BPTF: variants seen among roughly 807,000 people sequenced by gnomAD.
BPTF encodes bromodomain PHD finger transcription factor, also known as nucleosome-remodeling factor subunit BPTF.
BPTF carries 18 observed loss-of-function variants against 292.5 expected under a neutral mutation model. That is an observed-to-expected ratio of 0.06 (90% CI 0.04 to 0.09). The LOEUF (loss-of-function observed/expected upper bound fraction) is 0.09. Ranked by LOEUF, BPTF falls within the 10% of genes least tolerant of loss-of-function variation. The pLI is 1.00. For missense variants in BPTF, 2,726 were observed against 3,498.7 expected, an observed-to-expected ratio of 0.78 and a Z score of 5.57; for synonymous variants, 1,225 against 1,251.9, an observed-to-expected ratio of 0.98 and a Z score of 0.45.
intron 11 of BPTF, among the ~76,000 whole-genome samples, chr17:67,915,060 A>T (rs1173373523): frequency 6.6e-6 from 1 of 152,216 alleles, no homozygotes. Context: ...GCATTTTTAT[A>T]CTAACACTAG....
At chr17:67,976,627 C>G (rs548743190) in intron 27 of BPTF, among the ~76,000 whole-genome samples, 4 of 144,312 alleles carry the variant, frequency 2.8e-5, no homozygotes, top group African/African-American at 1.1e-4. Flanking sequence ...TCAAGGCTGC[C>G]GTGAGCTGTG....
intron 15 of BPTF, among the ~76,000 whole-genome samples, chr17:67,926,117 C>T (rs1301326099): frequency 7.0e-6 from 1 of 142,910 alleles, no homozygotes; most frequent in African/African-American, 2.5e-5. Flanking sequence ...AAGCAATCTA[C>T]CCACCTCAGC....
chr17:67,904,026 A>T (rs774526204), intron 8 of BPTF, 108 bp downstream of exon 8: 19 of 840,960 alleles, frequency 2.3e-5, no homozygotes, highest in African/African-American at 3.7e-5. Flanking sequence ...TTTGTATTTT[A>T]TTTATTTATT....
At chr17:67,855,022 TG>T (rs2058608524) in intron 2 of BPTF, among the ~76,000 whole-genome samples, 1 of 152,196 alleles carries the variant, frequency 6.6e-6, no homozygotes, top group South Asian at 2.1e-4. Context: ...TAGTTGGGAC[TG>T]GGCACAGCAG....
chr17:67,912,770 C>G lies in BPTF; in HGVS notation c.4886C>G (p.Thr1629Ser). 1 of 1,613,174 alleles carries G rather than the reference C, an allele frequency of 6.2e-7. No individual in the cohort carries two copies. Among genetic ancestry groups the G allele is most frequent in the Non-Finnish European group, 8.5e-7 (1 of 1,179,132 alleles). ...GCAAAATCCACTGTCACAACCACCA[C>G]TACAACAGTGACCAAGCTTTCCACA... ...NCAKSTVTTTTTTVTKLSTPS... is the reference protein window; with the variant it reads ...NCAKSTVTTTSTTVTKLSTPS... Residue 1629 changes from threonine (T) to serine (S), a missense_variant, in exon 11 of 28, where the codon ACT (threonine) becomes AGT (serine). Transcript: ENST00000306378.
intron 1 of BPTF, among the ~76,000 whole-genome samples, chr17:67,829,419 A>G (rs2056441778): frequency 1.3e-5 from 2 of 151,432 alleles, no homozygotes; most frequent in South Asian, 2.1e-4. Context: ...TACGTGTGCC[A>G]TGGTGGCTTG....
chr17:67,938,368 C>T (rs1393700024), intron 18 of BPTF, among the ~76,000 whole-genome samples: 1 of 152,112 alleles, frequency 6.6e-6, no homozygotes, highest in Non-Finnish European at 1.5e-5. Context: ...AGACCTTGGC[C>T]ACACTATGTT....
intron 2 of BPTF, among the ~76,000 whole-genome samples, chr17:67,856,980 TATC>T (rs1182223624): frequency 6.6e-6 from 1 of 152,032 alleles, no homozygotes; most frequent in African/African-American, 2.4e-5. Context: ...CCCTCCTTGT[TATC>T]ATTGCGTTTT....
chr17:67,947,978 C>A, intron 22 of BPTF, 103 bp from the exon 23 acceptor site: 1 of 1,312,520 alleles, frequency 7.6e-7, no homozygotes, highest in Non-Finnish European at 1.1e-6. Flanking sequence ...GTTTTCCAGT[C>A]ACAGAAAGTT....
chr17:67,957,786 G>T (rs1368963273), intron 23 of BPTF, among the ~76,000 whole-genome samples: 2 of 152,154 alleles, frequency 1.3e-5, no homozygotes, highest in Non-Finnish European at 2.9e-5. Flanking sequence ...AGCCTGGCAG[G>T]TCAAGGCTAC....
rs748023574 is a variant in BPTF at position 67,966,420 on chromosome 17, C to CT, written c.8455-151dup. On this transcript the variant is annotated intron_variant, in intron 25 of 27. Coordinates refer to ENST00000306378, the MANE Select transcript of BPTF (RefSeq NM_182641.4). ...TGTAGAGGAAGCTCATCTTAGGTAA[C>CT]TATTACTAGAGCAGAAATCACTTAA... 1.7e-5 allele frequency: 9 copies of CT among 536,942 alleles called. No individual in the cohort carries two copies. The East Asian group carries it at 2.9e-4, about 17-fold the overall frequency. The allele number at this position is 536,942 out of a possible 1,614,324, so 33.3% of individuals were successfully genotyped here.
At chr17:67,924,736 C>T in intron 15 of BPTF, 147 bp downstream of exon 15, 2 of 809,530 alleles carry the variant, frequency 2.5e-6, no homozygotes, top group Non-Finnish European at 4.0e-6. Context: ...TTCATGCACA[C>T]CCATGCACAG....
At chr17:67,886,348 G>A in intron 4 of BPTF, 1 of 1,399,718 alleles carries the variant, frequency 7.1e-7, no homozygotes, top group Non-Finnish European at 9.5e-7. Context: ...TCCTTTAAAG[G>A]GAAGTTTTTT....
chr17:67,904,666 CTTA>C (rs1363727654), intron 8 of BPTF, 33 bp from the exon 9 acceptor site: 8 of 1,520,952 alleles, frequency 5.3e-6, no homozygotes, highest in Non-Finnish European at 6.3e-6. Context: ...CATTGTTATT[CTTA>C]TTGTTTAATC....
In BPTF at chr17:67,982,561, G is replaced by A. The variant is rs28541293; in HGVS notation, c.*273G>A. 1 of 324,016 alleles carries A rather than the reference G, an allele frequency of 3.1e-6. No individual in the cohort carries two copies. The allele number at this position is 324,016 out of a possible 1,614,324, so 20.1% of individuals were successfully genotyped here. ...AAAACTTTGTTTATTGAAAAAAAAAGAAAAAGAAAGCAAGAAAAAAAGATA... is the reference window on the plus strand; with the variant it reads ...AAAACTTTGTTTATTGAAAAAAAAAAAAAAAGAAAGCAAGAAAAAAAGATA... On this transcript the variant is annotated 3_prime_UTR_variant, in exon 28 of 28. Transcript: ENST00000306378.
chr17:67,868,671 A>G (rs1044481328), intron 3 of BPTF, among the ~76,000 whole-genome samples: 1 of 152,218 alleles, frequency 6.6e-6, no homozygotes, highest in Admixed American at 6.5e-5. Context: ...TCTTCTGCAT[A>G]CATTATCTGC....
At chr17:67,952,072 A>AAT (rs1391137975) in intron 23 of BPTF, among the ~76,000 whole-genome samples, 2 of 151,258 alleles carry the variant, frequency 1.3e-5, no homozygotes, top group African/African-American at 4.8e-5. Context: ...AAAAAAAAAA[A>AAT]AAAAATTATT....
At chr17:67,836,496 C>T (rs997498200) in intron 1 of BPTF, among the ~76,000 whole-genome samples, 12 of 152,146 alleles carry the variant, frequency 7.9e-5, no homozygotes, top group African/African-American at 2.9e-4. Context: ...TTGTCCTGTT[C>T]TAATTCTTGC....
chr17:67,902,638 A>T (rs2061922120), intron 7 of BPTF, among the ~76,000 whole-genome samples: 1 of 152,048 alleles, frequency 6.6e-6, no homozygotes, highest in Non-Finnish European at 1.5e-5. Flanking sequence ...AGCCTGGGGG[A>T]GACTGTATTC....
Sources: gnomAD v4.1 joint callset for allele counts (sites outside exome capture counted in the v4.1 genomes callset) on GRCh38, gnomAD v4.1.1 for gene constraint, MANE v1.5 for transcripts, NCBI Gene and HGNC (gene_info 2026-07-23, HGNC 2026-07-21) for gene names.